FNDC8: variants seen among roughly 807,000 people sequenced by gnomAD.
The protein encoded by FNDC8 is fibronectin type III domain-containing protein 8.
Under a neutral mutation model 24.8 loss-of-function variants are expected in FNDC8, and 23 were observed. That is an observed-to-expected ratio of 0.93 (90% CI 0.67 to 1.31). FNDC8 has a LOEUF of 1.31. FNDC8 is among the 40% of genes most tolerant of loss of function. FNDC8 has a pLI of 0.00. For missense variants in FNDC8, 371 were observed against 398.2 expected, an observed-to-expected ratio of 0.93 and a Z score of 0.58; for synonymous variants, 158 against 165.3, an observed-to-expected ratio of 0.96 and a Z score of 0.34.
intron 1 of FNDC8, among the ~76,000 whole-genome samples, chr17:35,126,791 C>A (rs371614882): frequency 3.3e-5 from 5 of 152,238 alleles, no homozygotes; most frequent in African/African-American, 9.6e-5. Flanking sequence ...TGAGCCACTG[C>A]GCCCAGCCAG....
At chr17:35,129,993 C>A in intron 3 of FNDC8, 1 of 1,372,676 alleles carries the variant, frequency 7.3e-7, no homozygotes, top group South Asian at 1.7e-5. Flanking sequence ...ATAGGGAAGA[C>A]AAGAGGCTAA....
chr17:35,130,666 A>C lies in FNDC8; in HGVS notation c.*232A>C. 5.8e-6 allele frequency: 3 copies of C among 519,974 alleles called. No homozygotes were observed. The highest frequency in any genetic ancestry group is 3.2e-5 in the East Asian group (1 of 31,236). 32.2% of individuals were successfully genotyped at this position (519,974 alleles called of 1,614,324 possible). On this transcript the variant is annotated 3_prime_UTR_variant, in exon 4 of 4. Coordinates refer to ENST00000158009, the MANE Select transcript of FNDC8 (RefSeq NM_017559.4). Reference sequence around the variant, plus strand: ...CTCAGCCACTGCCCACAGCTGCTAGACTCCCTCCTCCTCCAAATCTGGGCT... The same window carrying C: ...CTCAGCCACTGCCCACAGCTGCTAGCCTCCCTCCTCCTCCAAATCTGGGCT...
intron 3 of FNDC8, 33 bp downstream of exon 3, chr17:35,129,691 G>T: frequency 6.2e-7 from 1 of 1,603,740 alleles, no homozygotes; most frequent in Non-Finnish European, 8.5e-7. Context: ...CCTTGGGGGT[G>T]GAGAGAAGTC....
chr17:35,130,594 T>C lies in FNDC8; in HGVS notation c.*160T>C, dbSNP rs2091871285. On this transcript the variant is annotated 3_prime_UTR_variant, in exon 4 of 4. Transcript: ENST00000158009. ...CCCCTGGGCTGGGGCCAAGGCTACATAGGGGCCCCATTCACCTGGAGGCAT... is the reference window on the plus strand; with the variant it reads ...CCCCTGGGCTGGGGCCAAGGCTACACAGGGGCCCCATTCACCTGGAGGCAT... The C allele has an allele frequency of 1.1e-5, 8 of 751,746 alleles. No homozygotes were observed. Among genetic ancestry groups the C allele is most frequent in the Admixed American group, 3.0e-5 (1 of 33,190 alleles). The allele number at this position is 751,746 out of a possible 1,614,324, so 46.6% of individuals were successfully genotyped here. A position where few individuals can be genotyped will look rare whatever the true frequency, so the allele number is the denominator to read the frequency against.
intron 2 of FNDC8, among the ~76,000 whole-genome samples, chr17:35,128,104 T>C (rs1366624590): frequency 1.3e-5 from 2 of 152,176 alleles, no homozygotes; most frequent in Non-Finnish European, 2.9e-5. Context: ...GACTTTTCTG[T>C]AAGTAATAGG....
chr17:35,121,768 G>A lies in FNDC8; in HGVS notation c.75G>A (p.Met25Ile). 1 of 1,613,788 alleles carries A rather than the reference G, an allele frequency of 6.2e-7. No individual in the cohort carries two copies. Among genetic ancestry groups the A allele is most frequent in the East Asian group, 2.2e-5 (1 of 44,838 alleles). ...TGAAGAAAGAAAACTTCAACATGAT[G>A]AATGCCCTTGACCAACTGCCAAAAC... ...AVLKKENFNM[M>I]NALDQLPKPF... The change falls in exon 1 of 4, where the codon ATG (methionine) becomes ATA (isoleucine). Residue 25 changes from methionine to isoleucine, a missense_variant. By Grantham distance (10) the Met-to-Ile change is conservative. Transcript: ENST00000158009.
chr17:35,129,417 C>T lies in FNDC8; in HGVS notation c.586-5C>T, dbSNP rs2142494861. The T allele has an allele frequency of 1.2e-6, 2 of 1,612,726 alleles. No individual in the cohort carries two copies. The highest frequency in any genetic ancestry group is 1.7e-5 in the Admixed American group (1 of 59,970). ...AGGAAGCCTCGGGGCTCTCTCTTCCCCTAGATTTCCTGGACCTACGCCTTG... is the reference window on the plus strand; with the variant it reads ...AGGAAGCCTCGGGGCTCTCTCTTCCTCTAGATTTCCTGGACCTACGCCTTG... On this transcript the variant is annotated splice_polypyrimidine_tract_variant and splice_region_variant and intron_variant, in intron 2 of 3. Transcript: ENST00000158009.
At chr17:35,127,479 C>T in intron 2 of FNDC8, 62 bp downstream of exon 2, 11 of 1,477,618 alleles carry the variant, frequency 7.4e-6, no homozygotes, top group Non-Finnish European at 9.8e-6. Flanking sequence ...GAGCTGAGCT[C>T]CATGGGTAGT....
At position 35,130,679 on chromosome 17, in the gene FNDC8, C is replaced by A. The variant is rs1243633863; in HGVS notation, c.*245C>A. On this transcript the variant is annotated 3_prime_UTR_variant, in exon 4 of 4. Transcript: ENST00000158009. ...CACAGCTGCTAGACTCCCTCCTCCT[C>A]CAAATCTGGGCTGGGTCTAGGTCCC... 3 of 515,960 alleles carry A rather than the reference C, an allele frequency of 5.8e-6. No individual in the cohort carries two copies. Among genetic ancestry groups the A allele is most frequent in the Non-Finnish European group, 6.9e-6 (2 of 288,870 alleles). The allele number at this position is 515,960 out of a possible 1,614,324, so 32.0% of individuals were successfully genotyped here. A position where few individuals can be genotyped will look rare whatever the true frequency, so the allele number is the denominator to read the frequency against.
Position 35,127,253 on chromosome 17 carries a change from C to G in FNDC8, c.421C>G (p.Pro141Ala). 6.2e-7 allele frequency: 1 copy of G among 1,614,000 alleles called. No individual in the cohort carries two copies. The highest frequency in any genetic ancestry group is 8.5e-7 in the Non-Finnish European group (1 of 1,179,932). Reference protein sequence around the residue: ...ENEDLALGPCPCPSKSQMATR... With the variant: ...ENEDLALGPCACPSKSQMATR... The stretch of plus-strand genomic sequence containing the variant: ...TGAGGACCTGGCGCTCGGCCCCTGC[C>G]CATGCCCATCGAAGTCCCAGATGGC... The change falls in exon 2 of 4, where the codon CCA (proline) becomes GCA (alanine). Residue 141 changes from proline to alanine, a missense_variant. Coordinates refer to ENST00000158009, the MANE Select transcript of FNDC8 (RefSeq NM_017559.4).
Position 35,121,823 on chromosome 17 carries a change from AC to A in FNDC8, c.132del (p.Val45SerfsTer8), listed in dbSNP as rs765499828. On this transcript the variant is annotated frameshift_variant, in exon 1 of 4. Coordinates refer to ENST00000158009, the MANE Select transcript of FNDC8 (RefSeq NM_017559.4). LOFTEE classifies it high-confidence loss of function. ...PFSNPKSMNR[T>X]VTTKGLPLAS... The stretch of plus-strand genomic sequence containing the variant: ...TTCAAACCCCAAGTCTATGAACCGG[AC>A]CGTCACTACCAAAGGACTCCCACTA... 6.8e-6 allele frequency: 11 copies of A among 1,613,720 alleles called. No individual in the cohort carries two copies. The South Asian group carries it at 1.2e-4, about 18-fold the overall frequency.
At position 35,127,179 on chromosome 17, in the gene FNDC8, G is replaced by C; in HGVS notation, c.347G>C (p.Gly116Ala). The part of the protein sequence containing the change: ...NSSFFAGMLE[G>A]ELNKLSFSPM... ...AGCTTCTTTGCAGGGATGCTGGAGG[G>C]GGAGCTGAACAAACTCAGCTTCTCC... The change falls in exon 2 of 4, where the codon GGG (glycine) becomes GCG (alanine). Residue 116 changes from glycine to alanine, a missense_variant. Coordinates refer to ENST00000158009, the MANE Select transcript of FNDC8 (RefSeq NM_017559.4). 6.2e-7 allele frequency: 1 copy of C among 1,614,198 alleles called. No individual in the cohort carries two copies. Among genetic ancestry groups the C allele is most frequent in the Non-Finnish European group, 8.5e-7 (1 of 1,180,036 alleles).
intron 3 of FNDC8, chr17:35,129,993 CAA>C (rs1013251512): frequency 1.5e-6 from 2 of 1,372,676 alleles, no homozygotes; most frequent in East Asian, 2.8e-5. Flanking sequence ...ATAGGGAAGA[CAA>C]GAGGCTAAAG....
chr17:35,127,534 T>G, intron 2 of FNDC8, 117 bp downstream of exon 2: 41 of 1,251,592 alleles, frequency 3.3e-5, no homozygotes, highest in African/African-American at 4.5e-5. Context: ...GTTCACGGTT[T>G]AGGAAGGGAG....
intron 1 of FNDC8, among the ~76,000 whole-genome samples, chr17:35,122,231 G>A (rs1427172748): frequency 1.8e-5 from 2 of 111,478 alleles, no homozygotes; most frequent in African/African-American, 3.4e-5. Flanking sequence ...TGGTAGAAAC[G>A]GGGTTTCACC....
At chr17:35,125,363 T>G (rs935069657) in intron 1 of FNDC8, among the ~76,000 whole-genome samples, 7 of 149,880 alleles carry the variant, frequency 4.7e-5, no homozygotes, top group African/African-American at 1.7e-4. Flanking sequence ...GGCTTGAGCC[T>G]GGGAGTTTGT....
chr17:35,129,124 T>C (rs888278696), intron 2 of FNDC8: 2 of 322,838 alleles, frequency 6.2e-6, no homozygotes, highest in Admixed American at 4.1e-5. Context: ...ATCCAGTTCC[T>C]AACAGGCCAT....
chr17:35,125,974 G>T (rs1443673701), intron 1 of FNDC8, among the ~76,000 whole-genome samples: 1 of 152,170 alleles, frequency 6.6e-6, no homozygotes, highest in Non-Finnish European at 1.5e-5. Context: ...AGGCTGGAGT[G>T]CAGTGGCAGG....
Position 35,130,291 on chromosome 17 carries a change from C to T in FNDC8, c.832C>T (p.Leu278=), listed in dbSNP as rs2091868908. 9 of 1,613,906 alleles carry T rather than the reference C, an allele frequency of 5.6e-6. No homozygotes were observed. In the East Asian group the frequency reaches 2.0e-4, roughly 36 times the overall value. ...KWCKPYKFAT[L]ATDFSSFPEN... ...TCTTGTTTCACTTCAGTTTGCAACC[C>T]TGGCCACTGACTTCAGCAGCTTTCC... is the stretch of plus-strand genomic sequence containing the variant. The change falls in exon 4 of 4, where the codon CTG becomes TTG. Residue 278 remains leucine, a synonymous_variant. Transcript: ENST00000158009.
Sources: gnomAD v4.1 joint callset for allele counts (sites outside exome capture counted in the v4.1 genomes callset) on GRCh38, gnomAD v4.1.1 for gene constraint, MANE v1.5 for transcripts, NCBI Gene and HGNC (gene_info 2026-07-23, HGNC 2026-07-21) for gene names.